The following RIN2 variants were observed in gnomAD, a reference collection of about 807,000 sequenced individuals.
RIN2 encodes Ras and Rab interactor 2.
A neutral mutation model predicts 78.0 loss-of-function variants in RIN2; 36 were observed. The observed-to-expected ratio is 0.46, with a 90% CI of 0.35 to 0.61. RIN2 has a LOEUF of 0.61. Among genes scored for constraint, RIN2 ranks in the 20% least tolerant of loss-of-function variants. The probability of loss-of-function intolerance (pLI) is 0.00; values close to 1 mark genes in which losing one functional copy is unlikely to be tolerated. For synonymous variants in RIN2, 466 were observed against 466.8 expected, an observed-to-expected ratio of 1.00 and a Z score of 0.02; for missense variants, 1,087 against 1,159.7, an observed-to-expected ratio of 0.94 and a Z score of 0.91.
chr20:19,964,540 CAGGGAAGTGTGTGTCCT>C (rs1173956975), intron 6 of RIN2, among the ~76,000 whole-genome samples: 1 of 152,096 alleles, frequency 6.6e-6, no homozygotes, highest in Non-Finnish European at 1.5e-5. Flanking sequence ...AAGGAGTGGC[CAGGGAAGTGTGTGTCCT>C]AGGAGGGTCA....
Position 19,967,493 on chromosome 20 carries a change from T to C in RIN2, c.536+2469T>C, listed in dbSNP as rs932805930. 9.2e-5 allele frequency among the ~76,000 whole-genome samples: 14 copies of C among 152,398 alleles called. No individual in the cohort carries two copies. The East Asian group carries it at 2.5e-3, about 27-fold the overall frequency. ...AAGAAAGTGATTGGATTATTGGTTC[T>C]GGTGTTTCACACAGCATGCATATGC... On this transcript the variant is annotated intron_variant, in intron 7 of 12. Coordinates refer to ENST00000255006, the MANE Select transcript of RIN2 (RefSeq NM_018993.4).
At chr20:19,818,079 TG>T (rs915490326) in intron 2 of RIN2, among the ~76,000 whole-genome samples, 10 of 147,632 alleles carry the variant, frequency 6.8e-5, no homozygotes, top group Non-Finnish European at 3.0e-5. Context: ...CTCTTGCTTC[TG>T]AGTTACAAAC....
chr20:19,825,814 C>T (rs973578150), intron 2 of RIN2, among the ~76,000 whole-genome samples: 2 of 152,192 alleles, frequency 1.3e-5, no homozygotes, highest in Admixed American at 6.5e-5. Context: ...ACCCCACTCA[C>T]AGGATTTTGC....
At position 19,833,283 on chromosome 20, in the gene RIN2, T is replaced by TTATATATATATATATATATATATATATA. The variant is rs1031106258; in HGVS notation, c.-37+33549_-37+33550insATATATATATATATATATATATATATAT. Among the ~76,000 whole-genome samples, 406 of 150,874 alleles carry TTATATATATATATATATATATATATATA rather than the reference T, an allele frequency of 2.7e-3. 1 individual carries two copies. Among genetic ancestry groups the TTATATATATATATATATATATATATATA allele is most frequent in the African/African-American group, 8.3e-3 (339 of 40,650 alleles). On this transcript the variant is annotated intron_variant, in intron 2 of 12. Coordinates refer to ENST00000255006, the MANE Select transcript of RIN2 (RefSeq NM_018993.4). Reference sequence around the variant, plus strand: ...CTATATATAGATAGATAGATATAGGTTATATATATATATTTTAACTTTAAG... The same window carrying TTATATATATATATATATATATATATATA: ...CTATATATAGATAGATAGATATAGGTTATATATATATATATATATATATATATATATATATATATATTTTAACTTTAAG...
chr20:19,947,678 C>G (rs16981360), intron 4 of RIN2, among the ~76,000 whole-genome samples: 1,567 of 152,312 alleles, frequency 0.01, 35 homozygotes, highest in African/African-American at 0.036. Context: ...AGGAGATTCC[C>G]GGAAACCTTC....
intron 3 of RIN2, among the ~76,000 whole-genome samples, chr20:19,924,068 TTTCATACCCCCACC>T: frequency 2.1e-5 from 1 of 46,816 alleles, no homozygotes; most frequent in East Asian, 1.2e-3. Context: ...CATACCCCAC[TTTCATACCCCCACC>T]TTCATACCCC....
chr20:19,782,562 A>C (rs951870797), intron 1 of RIN2, among the ~76,000 whole-genome samples: 33 of 152,212 alleles, frequency 2.2e-4, no homozygotes, highest in African/African-American at 7.7e-4. Flanking sequence ...TCTTAAAAAA[A>C]AAAAAAAAAA....
chr20:19,889,072 A>G, intron 2 of RIN2: 1 of 934,644 alleles, frequency 1.1e-6, no homozygotes, highest in Non-Finnish European at 1.3e-6. Context: ...AAAATAGAGC[A>G]ATTTCTTCCC....
At chr20:19,794,053 A>G (rs1219644816) in intron 1 of RIN2, among the ~76,000 whole-genome samples, 1 of 152,224 alleles carries the variant, frequency 6.6e-6, no homozygotes, top group Non-Finnish European at 1.5e-5. Flanking sequence ...ACACTAAGGC[A>G]GGATGAACTG....
chr20:19,852,666 C>T (rs2037020666), intron 2 of RIN2, among the ~76,000 whole-genome samples: 1 of 152,118 alleles, frequency 6.6e-6, no homozygotes, highest in East Asian at 1.9e-4. Flanking sequence ...TCTTTGTATG[C>T]TCTTTTCTAG....
intron 1 of RIN2, among the ~76,000 whole-genome samples, chr20:19,792,590 G>A (rs1009363519): frequency 4.6e-5 from 7 of 152,178 alleles, no homozygotes; most frequent in African/African-American, 1.7e-4. Context: ...ACATGGGGAG[G>A]TGAGGCAAGA....
At chr20:19,887,454 G>A (rs569094968) in intron 2 of RIN2, among the ~76,000 whole-genome samples, 2 of 152,260 alleles carry the variant, frequency 1.3e-5, no homozygotes, top group Admixed American at 1.3e-4. Context: ...GTGTGTTCCT[G>A]TCACCTGCTC....
intron 1 of RIN2, among the ~76,000 whole-genome samples, chr20:19,774,610 C>G (rs1358443800): frequency 2.0e-5 from 3 of 152,156 alleles, no homozygotes; most frequent in Admixed American, 1.3e-4. Flanking sequence ...GAGTGGGATC[C>G]ATGCATTTGC....
chr20:19,757,710 G>T (rs1461352084), upstream of RIN2: 1 of 152,336 alleles, frequency 6.6e-6, no homozygotes, highest in African/African-American at 2.4e-5. Context: ...ATCTGTAGTT[G>T]GGCGGAGGGG....
chr20:19,974,162 C>G (rs889988099), intron 8 of RIN2, among the ~76,000 whole-genome samples: 4 of 152,144 alleles, frequency 2.6e-5, no homozygotes, highest in Admixed American at 6.5e-5. Context: ...TCCCCCAGGC[C>G]CAGCTGCTGG....
chr20:19,844,596 T>TGCTGCTGCTG (rs1568806906), intron 2 of RIN2, among the ~76,000 whole-genome samples: 27 of 99,296 alleles, frequency 2.7e-4, no homozygotes, highest in African/African-American at 8.3e-4. Flanking sequence ...TGCTGCTGCT[T>TGCTGCTGCTG]CTTCCTCTTC....
At chr20:19,804,355 A>T (rs534397922) in intron 2 of RIN2, among the ~76,000 whole-genome samples, 2,124 of 152,242 alleles carry the variant, frequency 0.014, 18 homozygotes, top group Non-Finnish European at 0.022. Context: ...GGCTCTTATT[A>T]TTTTGAAGTA....
intron 2 of RIN2, among the ~76,000 whole-genome samples, chr20:19,875,788 A>G (rs1044810976): frequency 1.3e-5 from 2 of 152,232 alleles, no homozygotes; most frequent in South Asian, 2.1e-4. Context: ...GTGGGCCTGC[A>G]GGATGGAATG....
intron 4 of RIN2, among the ~76,000 whole-genome samples, chr20:19,950,076 G>A (rs973406765): frequency 6.6e-6 from 1 of 152,180 alleles, no homozygotes; most frequent in Non-Finnish European, 1.5e-5. Flanking sequence ...TGGTTGTCAC[G>A]AGAGCAGGAC....
Sources: gnomAD v4.1 joint callset for allele counts (sites outside exome capture counted in the v4.1 genomes callset) on GRCh38, gnomAD v4.1.1 for gene constraint, MANE v1.5 for transcripts, NCBI Gene and HGNC (gene_info 2026-07-23, HGNC 2026-07-21) for gene names.